The following LRP2 variants were observed in gnomAD, a reference collection of about 807,000 sequenced individuals.
LRP2 encodes the protein low-density lipoprotein receptor-related protein 2.
LRP2 carries 172 observed loss-of-function variants against 531.0 expected under a neutral mutation model. The ratio of observed to expected loss-of-function variants is 0.32; its 90% CI spans 0.29 to 0.37. The LOEUF is 0.37. Among genes scored for constraint, LRP2 ranks in the 10% least tolerant of loss-of-function variants. The pLI is 1.00. For synonymous variants in LRP2, 1,992 were observed against 2,027.6 expected (o/e 0.98, Z 0.47); for missense variants, 5,167 against 5,868.3 (o/e 0.88, Z 3.90).
In LRP2 at chr2:169,143,538, C is replaced by T. The variant is rs549898581; in HGVS notation, c.12989-745G>A. 6.9e-4 allele frequency among the ~76,000 whole-genome samples: 105 copies of T among 152,246 alleles called. 6 individuals carry two copies. In the South Asian group the frequency reaches 0.021, roughly 31 times the overall value. ...GCGGGCACCTGTAGTCCCAGGTACTCAGGAGGCTGAGGCAGGAGAATGGTG... is the reference window on the plus strand; with the variant it reads ...GCGGGCACCTGTAGTCCCAGGTACTTAGGAGGCTGAGGCAGGAGAATGGTG... On this transcript the variant is annotated intron_variant, in intron 70 of 78. Coordinates refer to ENST00000649046, the MANE Select transcript of LRP2 (RefSeq NM_004525.3).
chr2:169,148,959 A>G (rs1686024337), intron 68 of LRP2, among the ~76,000 whole-genome samples: 1 of 152,094 alleles, frequency 6.6e-6, no homozygotes, highest in Non-Finnish European at 1.5e-5. Flanking sequence ...CCAACCTTCA[A>G]CATTCAGTTC....
chr2:169,361,130 G>T (rs1489333090), intron 1 of LRP2, among the ~76,000 whole-genome samples: 1 of 152,042 alleles, frequency 6.6e-6, no homozygotes, highest in Admixed American at 6.5e-5. Context: ...GAGGGGAAAG[G>T]GGGGACTCTC....
chr2:169,135,813 A>G (rs911362517), intron 76 of LRP2, among the ~76,000 whole-genome samples: 11 of 151,892 alleles, frequency 7.2e-5, no homozygotes, highest in Non-Finnish European at 1.3e-4. Flanking sequence ...ACCCCAAAAA[A>G]CTTGTCATCC....
At chr2:169,263,757 G>A (rs1386938444) in intron 16 of LRP2, among the ~76,000 whole-genome samples, 2 of 152,046 alleles carry the variant, frequency 1.3e-5, no homozygotes, top group Non-Finnish European at 2.9e-5. Context: ...TATATACCCA[G>A]AGGACTATAA....
intron 1 of LRP2, among the ~76,000 whole-genome samples, chr2:169,347,135 C>T (rs1685715692): frequency 6.6e-6 from 1 of 152,198 alleles, no homozygotes; most frequent in South Asian, 2.1e-4. Context: ...CTGAACCTTG[C>T]TCTGACAAAC....
intron 49 of LRP2, among the ~76,000 whole-genome samples, chr2:169,187,055 A>G (rs1361351709): frequency 6.6e-6 from 1 of 152,050 alleles, no homozygotes; most frequent in Non-Finnish European, 1.5e-5. Flanking sequence ...TTTTTGGATG[A>G]TTTTTAAATT....
Position 169,146,937 on chromosome 2 carries a change from C to G in LRP2, c.12613G>C (p.Gly4205Arg). The G allele has an allele frequency of 6.2e-7, 1 of 1,613,162 alleles. No individual in the cohort carries two copies. Residue 4205 changes from glycine to arginine, a missense_variant, in exon 69 of 79, where the codon GGA (glycine) becomes CGA (arginine). This residue lies in a region of LRP2 where 564 missense variants were observed against 747.7 expected (regional missense o/e 0.75). Coordinates refer to ENST00000649046, the MANE Select transcript of LRP2 (RefSeq NM_004525.3). The part of the protein sequence containing the change: ...KLGLMFWTDW[G>R]KEPKIESAWM... Reference sequence around the variant, plus strand: ...GCAGACTCGATTTTAGGTTCCTTTCCCCAGTCAGTCCAGAACATAAGCCTA... The same window carrying G: ...GCAGACTCGATTTTAGGTTCCTTTCGCCAGTCAGTCCAGAACATAAGCCTA...
At chr2:169,162,884 G>A (rs1396016711) in intron 62 of LRP2, among the ~76,000 whole-genome samples, 1 of 152,230 alleles carries the variant, frequency 6.6e-6, no homozygotes, top group Non-Finnish European at 1.5e-5. Context: ...GTTCCAGGCA[G>A]CACAGCTGCA....
intron 27 of LRP2, among the ~76,000 whole-genome samples, chr2:169,237,809 C>T (rs753801195): frequency 3.9e-5 from 6 of 152,256 alleles, no homozygotes; most frequent in South Asian, 4.1e-4. Context: ...CTCTCATCCA[C>T]AAGAAAAGAC....
At chr2:169,355,022 G>GA (rs1008948903) in intron 1 of LRP2, among the ~76,000 whole-genome samples, 103 of 152,304 alleles carry the variant, frequency 6.8e-4, no homozygotes, top group African/African-American at 2.3e-3. Context: ...AAGATTCACA[G>GA]AAAAATGAAA....
At chr2:169,357,593 G>T (rs1029876286) in intron 1 of LRP2, among the ~76,000 whole-genome samples, 2 of 151,804 alleles carry the variant, frequency 1.3e-5, no homozygotes, top group African/African-American at 4.8e-5. Context: ...GCATCCCAAA[G>T]TGCTGGGATT....
At chr2:169,239,027 C>G (rs1325644259) in intron 26 of LRP2, among the ~76,000 whole-genome samples, 1 of 152,108 alleles carries the variant, frequency 6.6e-6, no homozygotes, top group Non-Finnish European at 1.5e-5. Context: ...CAGAGCAGAC[C>G]CCATGCCCTG....
intron 1 of LRP2, among the ~76,000 whole-genome samples, chr2:169,342,562 G>A (rs974651414): frequency 2.0e-5 from 3 of 152,112 alleles, no homozygotes; most frequent in African/African-American, 7.2e-5. Flanking sequence ...AAACTTCTTA[G>A]CTTGACATAC....
intron 52 of LRP2, among the ~76,000 whole-genome samples, chr2:169,180,839 T>C (rs1368102256): frequency 6.6e-6 from 1 of 152,246 alleles, no homozygotes; most frequent in Non-Finnish European, 1.5e-5. Context: ...TATTGTTGTT[T>C]AATTTTTGAT....
Position 169,188,277 on chromosome 2 carries a change from G to A in LRP2, c.9033-12C>T. On this transcript the variant is annotated splice_polypyrimidine_tract_variant and intron_variant, in intron 48 of 78. Coordinates refer to ENST00000649046, the MANE Select transcript of LRP2 (RefSeq NM_004525.3). ...TGTGCCGGTCACACCTGTATCATGA[G>A]ATCCAGTACCACTTTCAGAGAGGTT... is the stretch of plus-strand genomic sequence containing the variant. 1 of 1,613,748 alleles carries A rather than the reference G, an allele frequency of 6.2e-7. No homozygotes were observed. Among genetic ancestry groups the A allele is most frequent in the Non-Finnish European group, 8.5e-7 (1 of 1,179,878 alleles).
intron 71 of LRP2, among the ~76,000 whole-genome samples, chr2:169,142,279 T>C (rs1007280270): frequency 3.3e-5 from 5 of 152,332 alleles, no homozygotes; most frequent in Admixed American, 3.3e-4. Context: ...GTAGCCCTTT[T>C]TCAGTTGTCA....
intron 4 of LRP2, among the ~76,000 whole-genome samples, chr2:169,304,816 A>G (rs775947344): frequency 6.6e-6 from 1 of 152,184 alleles, no homozygotes; most frequent in Non-Finnish European, 1.5e-5. Context: ...AACCAACCCA[A>G]ATGCCTATCA....
chr2:169,327,686 C>A (rs1219230975), intron 1 of LRP2, among the ~76,000 whole-genome samples: 1 of 117,894 alleles, frequency 8.5e-6, no homozygotes, highest in East Asian at 2.8e-4. Context: ...CCCGGCCAGC[C>A]GACCCATCCG....
Position 169,271,146 on chromosome 2 carries a change from G to C in LRP2, c.2117-39C>G, listed in dbSNP as rs368183315. On this transcript the variant is annotated intron_variant, in intron 15 of 78. Coordinates refer to ENST00000649046, the MANE Select transcript of LRP2 (RefSeq NM_004525.3). The stretch of plus-strand genomic sequence containing the variant: ...AACACAGCACAGTCAGTCACAGCAT[G>C]GTTCTTTTCTCTCCTCCCAAATTCC... 3.5e-6 allele frequency: 5 copies of C among 1,441,054 alleles called. No individual in the cohort carries two copies. In the African/African-American group the frequency reaches 7.0e-5, roughly 20 times the overall value. The allele number at this position is 1,441,054 out of a possible 1,614,324, so 89.3% of individuals were successfully genotyped here. A position where few individuals can be genotyped will look rare whatever the true frequency, so the allele number is the denominator to read the frequency against.
Sources: allele counts gnomAD v4.1 joint callset (sites outside exome capture counted in the v4.1 genomes callset), GRCh38; gene constraint gnomAD v4.1.1; regional missense constraint gnomAD v4.1.1; transcripts MANE v1.5; gene names NCBI Gene and HGNC (gene_info 2026-07-23, HGNC 2026-07-21).